Variants in CRISP1 observed in about 807,000 individuals in gnomAD.
The protein encoded by CRISP1 is cysteine rich secretory protein 1.
In CRISP1, 44 loss-of-function variants were observed where a neutral mutation model predicts 33.1. That is an observed-to-expected ratio of 1.33 (90% CI 1.05 to 1.71). The LOEUF (loss-of-function observed/expected upper bound fraction) is 1.71, where lower values mean the gene tolerates loss of function less well. Among genes scored for constraint, CRISP1 ranks in the 40% most tolerant of loss-of-function variants. The pLI is 0.00. For missense variants in CRISP1, 390 were observed against 301.2 expected (o/e 1.29, Z -2.18); for synonymous variants, 103 against 98.7 (o/e 1.04, Z -0.26).
At chr6:49,861,052 T>C (rs1219655494) in intron 1 of CRISP1, among the ~76,000 whole-genome samples, 1 of 151,826 alleles carries the variant, frequency 6.6e-6, no homozygotes, top group African/African-American at 2.4e-5. Flanking sequence ...CAGAAAGAAA[T>C]AGAAACCAGA....
chr6:49,852,119 G>A lies in CRISP1; in HGVS notation c.77C>T (p.Ala26Val), dbSNP rs1425616885. 1.2e-6 allele frequency: 2 copies of A among 1,610,572 alleles called. No individual in the cohort carries two copies. The highest frequency in any genetic ancestry group is 2.2e-5 in the East Asian group (1 of 44,816). Reference sequence around the variant, plus strand: ...GACGAGCTTATTAAATTGGTCTCTAGCTGATTTCTTCTGTTACCAGAAAAA... The same window carrying A: ...GACGAGCTTATTAAATTGGTCTCTAACTGATTTCTTCTGTTACCAGAAAAA... ...LPMLSMKKKSARDQFNKLVTD... is the reference protein window; with the variant it reads ...LPMLSMKKKSVRDQFNKLVTD... The change falls in exon 3 of 8, where the codon GCT becomes GTT. Residue 26 changes from alanine (A) to valine (V), a missense_variant. Transcript: ENST00000335847.
chr6:49,871,000 C>A (rs191117665), upstream of CRISP1, among the ~76,000 whole-genome samples: 26 of 152,072 alleles, frequency 1.7e-4, no homozygotes, highest in Non-Finnish European at 2.2e-4. Context: ...ACTCAGGAGG[C>A]TGAGGCATGA....
At chr6:49,845,258 T>C (rs1417880095) in intron 5 of CRISP1, among the ~76,000 whole-genome samples, 1 of 152,178 alleles carries the variant, frequency 6.6e-6, no homozygotes, top group Non-Finnish European at 1.5e-5. Context: ...ATGGTCTCTC[T>C]TGTCTCTGTC....
intron 7 of CRISP1, among the ~76,000 whole-genome samples, chr6:49,838,086 A>G (rs9473673): frequency 1.1e-3 from 174 of 152,254 alleles, no homozygotes; most frequent in African/African-American, 4.0e-3. Flanking sequence ...ACTGAAAGCA[A>G]TGGGCCTAAA....
At chr6:49,871,433 A>G (rs759039932), upstream of CRISP1, among the ~76,000 whole-genome samples, 3 of 152,176 alleles carry the variant, frequency 2.0e-5, no homozygotes, top group Admixed American at 1.3e-4. Context: ...CGAAAGTCAA[A>G]GCCAATTTTT....
At chr6:49,840,036 G>C (rs1420674522) in intron 6 of CRISP1, among the ~76,000 whole-genome samples, 1 of 152,192 alleles carries the variant, frequency 6.6e-6, no homozygotes, top group African/African-American at 2.4e-5. Context: ...ATGTAGGAAA[G>C]ACTTATGTGT....
At chr6:49,856,195 T>C (rs948549257) in intron 2 of CRISP1, among the ~76,000 whole-genome samples, 1 of 152,176 alleles carries the variant, frequency 6.6e-6, no homozygotes, top group Non-Finnish European at 1.5e-5. Context: ...TTCTTTCACA[T>C]GACAATCTGG....
intron 5 of CRISP1, among the ~76,000 whole-genome samples, chr6:49,841,328 A>T (rs6928271): frequency 0.097 from 14,737 of 152,200 alleles, 996 homozygotes; most frequent in Non-Finnish European, 0.15. Context: ...TTTTAACAAA[A>T]CCCAATGTTC....
intron 3 of CRISP1, among the ~76,000 whole-genome samples, chr6:49,850,181 G>A (rs945972916): frequency 3.3e-5 from 5 of 151,586 alleles, no homozygotes; most frequent in Admixed American, 6.6e-5. Flanking sequence ...ACACCAGCAT[G>A]GCACATGTAT....
At chr6:49,870,772 G>T (rs964782049), upstream of CRISP1, among the ~76,000 whole-genome samples, 3 of 152,104 alleles carry the variant, frequency 2.0e-5, no homozygotes, top group African/African-American at 7.2e-5. Flanking sequence ...TTTGCTTAAG[G>T]TTGTTTGTGT....
intron 2 of CRISP1, among the ~76,000 whole-genome samples, chr6:49,852,935 G>A (rs1771395052): frequency 6.6e-6 from 1 of 151,084 alleles, no homozygotes. Flanking sequence ...CAGAACTAAT[G>A]TACTATAATG....
At chr6:49,844,226 A>G (rs1217562856) in intron 5 of CRISP1, among the ~76,000 whole-genome samples, 1 of 152,208 alleles carries the variant, frequency 6.6e-6, no homozygotes, top group Non-Finnish European at 1.5e-5. Flanking sequence ...GGATTTAATC[A>G]TACATCTCAG....
Position 49,855,496 on chromosome 6 carries a change from T to C in CRISP1, c.66+1839A>G, listed in dbSNP as rs538221059. Among the ~76,000 whole-genome samples, 7 of 152,164 alleles carry C rather than the reference T, an allele frequency of 4.6e-5. No individual in the cohort carries two copies. In the East Asian group the frequency reaches 9.7e-4, roughly 21 times the overall value. Reference sequence around the variant, plus strand: ...CCAGTTTCCTTCCTGCCATAGAATATTTGCCCATGCCTGTACCTTTGATAG... The same window carrying C: ...CCAGTTTCCTTCCTGCCATAGAATACTTGCCCATGCCTGTACCTTTGATAG... On this transcript the variant is annotated intron_variant, in intron 2 of 7. Transcript: ENST00000335847.
chr6:49,857,351 G>T lies in CRISP1; in HGVS notation c.50C>A (p.Pro17His). The T allele has an allele frequency of 1.2e-6, 2 of 1,612,868 alleles. No homozygotes were observed. The highest frequency in any genetic ancestry group is 1.7e-6 in the Non-Finnish European group (2 of 1,179,190). Reference sequence around the variant, plus strand: ...CTCACATACTTTCATGGACAACATAGGCAGTAAGCAAGCAGCAGCAACCAA... The same window carrying T: ...CTCACATACTTTCATGGACAACATATGCAGTAAGCAAGCAGCAGCAACCAA... ...LFLVAAACLL[P>H]MLSMKKKSAR... The change falls in exon 2 of 8, where the codon CCT becomes CAT. Residue 17 changes from proline to histidine, a missense_variant. By Grantham distance (77) the Pro-to-His change is moderately conservative. Transcript: ENST00000335847.
chr6:49,846,546 C>G lies in CRISP1; in HGVS notation c.409G>C (p.Asp137His), dbSNP rs150800115. 25 of 1,613,428 alleles carry G rather than the reference C, an allele frequency of 1.5e-5. No individual in the cohort carries two copies. The African/African-American group carries it at 2.8e-4, about 18-fold the overall frequency. ...KHGEWTTTDDDITTDHYTQIV... is the reference protein window; with the variant it reads ...KHGEWTTTDDHITTDHYTQIV... The stretch of plus-strand genomic sequence containing the variant: ...TGAGTGTAGTGGTCAGTAGTTATGT[C>G]ATCATCCGTTGTTGTCCATTCTCCA... Residue 137 changes from aspartate (D) to histidine (H), a missense_variant, in exon 5 of 8, where the codon GAC (aspartate) becomes CAC (histidine). Coordinates refer to ENST00000335847, the MANE Select transcript of CRISP1 (RefSeq NM_001131.3).
At chr6:49,843,213 G>A (rs2396920) in intron 5 of CRISP1, among the ~76,000 whole-genome samples, 44,110 of 151,984 alleles carry the variant, frequency 0.29, 6,783 homozygotes, top group East Asian at 0.58. Flanking sequence ...TTAATCCTTT[G>A]ATAAGGTAAA....
intron 7 of CRISP1, among the ~76,000 whole-genome samples, chr6:49,836,970 A>G (rs977208340): frequency 7.2e-5 from 11 of 152,002 alleles, no homozygotes; most frequent in Non-Finnish European, 1.3e-4. Flanking sequence ...GTGAAATATG[A>G]CTATCAGTGG....
chr6:49,870,878 C>A (rs1337783325), upstream of CRISP1, among the ~76,000 whole-genome samples: 1 of 152,052 alleles, frequency 6.6e-6, no homozygotes, highest in Non-Finnish European at 1.5e-5. Flanking sequence ...GGGCGGATGA[C>A]CTGAGGTCAG....
intron 2 of CRISP1, among the ~76,000 whole-genome samples, chr6:49,853,212 A>G (rs1582272543): frequency 1.3e-5 from 2 of 152,164 alleles, no homozygotes; most frequent in African/African-American, 2.4e-5. Flanking sequence ...GCGGACCCAC[A>G]TGATTCCACA....
Sources: gnomAD v4.1 joint callset for allele counts (sites outside exome capture counted in the v4.1 genomes callset) on GRCh38, gnomAD v4.1.1 for gene constraint, MANE v1.5 for transcripts, NCBI Gene and HGNC (gene_info 2026-07-23, HGNC 2026-07-21) for gene names.